Variants in DNAH6 observed in about 807,000 individuals in gnomAD.
The protein encoded by DNAH6 is dynein axonemal heavy chain 6, also known as axonemal beta dynein heavy chain 6.
Under a neutral mutation model 491.4 loss-of-function variants are expected in DNAH6, and 340 were observed. The ratio of observed to expected loss-of-function variants is 0.69; its 90% CI spans 0.63 to 0.76. The LOEUF is 0.76. Ranked by LOEUF, DNAH6 falls within the 30% of genes least tolerant of loss-of-function variation. The pLI is 0.00. For synonymous variants in DNAH6, 1,603 were observed against 1,686.1 expected, an observed-to-expected ratio of 0.95 and a Z score of 1.21; for missense variants, 4,443 against 4,972.2, an observed-to-expected ratio of 0.89 and a Z score of 3.20.
the DNAH6 span, among the ~76,000 whole-genome samples, chr2:84,494,566 T>TA: frequency 6.6e-6 from 1 of 152,060 alleles, no homozygotes; most frequent in African/African-American, 2.4e-5. Flanking sequence ...GAAGGAAAAT[T>TA]AAGAGTAGAA....
At chr2:84,674,600 G>C (rs565635716) in intron 40 of DNAH6, among the ~76,000 whole-genome samples, 11 of 152,294 alleles carry the variant, frequency 7.2e-5, no homozygotes, top group African/African-American at 2.6e-4. Flanking sequence ...CGCATATTCA[G>C]TTCCTGGGAA....
chr2:84,507,082 G>C, the DNAH6 span, among the ~76,000 whole-genome samples: 2 of 152,128 alleles, frequency 1.3e-5, no homozygotes, highest in African/African-American at 4.8e-5. Flanking sequence ...CTTTAAAGTA[G>C]TTTTTTCCAA....
At chr2:84,563,225 A>G (rs191183621) in intron 11 of DNAH6, among the ~76,000 whole-genome samples, 27 of 152,364 alleles carry the variant, frequency 1.8e-4, no homozygotes, top group Admixed American at 9.8e-4. Context: ...GTGTGAGAAC[A>G]GACTAATACA....
rs928998847 is a variant in DNAH6 at position 84,784,897 on chromosome 2, A to G, written c.10953+87A>G. ...CCTCCCAGGAGATCAGAGCCTGCAC[A>G]GAAGCATGTGGAGGTCTGTGTGGCC... On this transcript the variant is annotated intron_variant, in intron 66 of 76. Coordinates refer to ENST00000389394, the MANE Select transcript of DNAH6 (RefSeq NM_001370.2). 12 of 936,288 alleles carry G rather than the reference A, an allele frequency of 1.3e-5. No individual in the cohort carries two copies. In the Admixed American group the frequency reaches 1.6e-4, roughly 12 times the overall value. 58.0% of individuals were successfully genotyped at this position (936,288 alleles called of 1,614,324 possible).
rs1690670455 is a variant in DNAH6 at position 84,653,649 on chromosome 2, A to C, written c.5409A>C (p.Gly1803=). 5 of 1,551,102 alleles carry C rather than the reference A, an allele frequency of 3.2e-6. No homozygotes were observed. The highest frequency in any genetic ancestry group is 4.4e-6 in the Non-Finnish European group (5 of 1,146,554). The change falls in exon 34 of 77, where the codon GGA becomes GGC. Residue 1803 remains glycine (G), a synonymous_variant. Coordinates refer to ENST00000389394, the MANE Select transcript of DNAH6 (RefSeq NM_001370.2). ...PKSITMGELY[G]EVNNLTLEWK... ...CAATTACCATGGGTGAATTATATGG[A>C]GAGGTTAATAACTTAACCTTGGAAT...
chr2:84,605,315 C>T (rs113801073), intron 19 of DNAH6, among the ~76,000 whole-genome samples, 185 bp from the exon 20 acceptor site: 89 of 148,002 alleles, frequency 6.0e-4, no homozygotes, highest in African/African-American at 2.1e-3. Flanking sequence ...GTTACACCAC[C>T]GCACTCCAGC....
chr2:84,784,391 A>C (rs187798273), intron 65 of DNAH6, among the ~76,000 whole-genome samples: 2 of 152,342 alleles, frequency 1.3e-5, no homozygotes, highest in East Asian at 3.9e-4. Flanking sequence ...ATGGGCAATA[A>C]CTGCCCTCTT....
At chr2:84,565,245 T>C (rs1681067568) in intron 11 of DNAH6, among the ~76,000 whole-genome samples, 1 of 152,080 alleles carries the variant, frequency 6.6e-6, no homozygotes, top group Non-Finnish European at 1.5e-5. Context: ...TCCTCTTTGA[T>C]ATTTTGGAAT....
chr2:84,573,019 CT>C (rs1443271661), intron 11 of DNAH6, among the ~76,000 whole-genome samples: 7 of 152,180 alleles, frequency 4.6e-5, no homozygotes, highest in Admixed American at 4.6e-4. Context: ...GAGTAAGAGA[CT>C]GGCCAATGCC....
intron 9 of DNAH6, among the ~76,000 whole-genome samples, chr2:84,550,853 G>A (rs966084617): frequency 6.6e-6 from 1 of 152,154 alleles, no homozygotes; most frequent in African/African-American, 2.4e-5. Context: ...GTTTAGAGGT[G>A]AAAAGAAGCA....
At position 84,703,414 on chromosome 2, in the gene DNAH6, A is replaced by G. The variant is rs776703650; in HGVS notation, c.8081A>G (p.Asn2694Ser). Residue 2694 changes from asparagine (N) to serine (S), a missense_variant, in exon 50 of 77, where the codon AAT becomes AGT. Physicochemically the swap from Asn to Ser is conservative, Grantham distance 46 (BLOSUM62 1). This residue lies in a region of DNAH6 where 2,977 missense variants were observed against 3,296.6 expected (regional missense o/e 0.90). Coordinates refer to ENST00000389394, the MANE Select transcript of DNAH6 (RefSeq NM_001370.2). ...QIISARDRVK[N>S]GLTKLLETNI... ...ACTTAGGCACGAGATCGGGTGAAGAATGGTCTCACCAAGCTACTAGAAACA... is the reference window on the plus strand; with the variant it reads ...ACTTAGGCACGAGATCGGGTGAAGAGTGGTCTCACCAAGCTACTAGAAACA... 6 of 1,526,112 alleles carry G rather than the reference A, an allele frequency of 3.9e-6. No individual in the cohort carries two copies. In the Admixed American group the frequency reaches 8.3e-5, roughly 21 times the overall value. 94.5% of individuals were successfully genotyped at this position (1,526,112 alleles called of 1,614,324 possible).
intron 33 of DNAH6, among the ~76,000 whole-genome samples, chr2:84,652,069 C>T (rs1690502536): frequency 1.3e-5 from 2 of 151,786 alleles, no homozygotes; most frequent in South Asian, 4.2e-4. Context: ...TAGATTTTTT[C>T]CTAATTGTTT....
chr2:84,715,702 C>A, intron 58 of DNAH6, 75 bp downstream of exon 58: 1 of 1,380,436 alleles, frequency 7.2e-7, no homozygotes, highest in Non-Finnish European at 1.0e-6. Context: ...GAAATATTGA[C>A]AAAGACAATG....
chr2:84,555,926 C>T (rs1031081499), intron 10 of DNAH6, among the ~76,000 whole-genome samples: 1 of 152,178 alleles, frequency 6.6e-6, no homozygotes, highest in African/African-American at 2.4e-5. Context: ...CATCATCTCT[C>T]TTCTGGCCTC....
Position 84,577,287 on chromosome 2 carries a change from A to G in DNAH6, c.1955A>G (p.Lys652Arg). Residue 652 changes from lysine (K) to arginine (R), a missense_variant, in exon 13 of 77, where the codon AAA (lysine) becomes AGA (arginine). Physicochemically the swap from Lys to Arg is conservative, Grantham distance 26 (BLOSUM62 2). Coordinates refer to ENST00000389394, the MANE Select transcript of DNAH6 (RefSeq NM_001370.2). ...AACTTTTTTAGTGAACAACTGGAAA[A>G]ATATCACAAACAGCACAAGGACGCA... ...DINFFSEQLE[K>R]YHKQHKDAVA... is the part of the protein sequence containing the mutation. 1.3e-6 allele frequency: 2 copies of G among 1,588,466 alleles called. No homozygotes were observed. Among genetic ancestry groups the G allele is most frequent in the Non-Finnish European group, 1.7e-6 (2 of 1,170,444 alleles).
intron 11 of DNAH6, among the ~76,000 whole-genome samples, chr2:84,572,790 G>A (rs1682025732): frequency 6.6e-6 from 1 of 152,218 alleles, no homozygotes; most frequent in Non-Finnish European, 1.5e-5. Flanking sequence ...GCACAGCCAA[G>A]TAGACATGGA....
chr2:84,563,459 G>A (rs770797733), intron 11 of DNAH6, among the ~76,000 whole-genome samples: 1 of 152,100 alleles, frequency 6.6e-6, no homozygotes, highest in African/African-American at 2.4e-5. Context: ...GCATCTCATC[G>A]TGGTTTTGAT....
At chr2:84,757,397 T>C (rs1274109961) in intron 63 of DNAH6, among the ~76,000 whole-genome samples, 2 of 152,164 alleles carry the variant, frequency 1.3e-5, no homozygotes, top group Admixed American at 1.3e-4. Context: ...GATACGGACT[T>C]TGAAAGTCAG....
At chr2:84,788,624 T>G (rs1677447607) in intron 68 of DNAH6, among the ~76,000 whole-genome samples, 2 of 152,242 alleles carry the variant, frequency 1.3e-5, no homozygotes, top group South Asian at 4.1e-4. Flanking sequence ...TAGACAGATT[T>G]TGACTTGGCA....
Sources: allele counts gnomAD v4.1 joint callset (sites outside exome capture counted in the v4.1 genomes callset), GRCh38; gene constraint gnomAD v4.1.1; regional missense constraint gnomAD v4.1.1; transcripts MANE v1.5; gene names NCBI Gene and HGNC (gene_info 2026-07-23, HGNC 2026-07-21).